Variants in IFT88 observed in about 807,000 individuals in gnomAD.
IFT88 encodes intraflagellar transport protein 88 homolog.
Under a neutral mutation model 119.5 loss-of-function variants are expected in IFT88, and 74 were observed. The observed-to-expected ratio is 0.62, with a 90% confidence interval of 0.51 to 0.75. IFT88 has a LOEUF of 0.75. Ranked by LOEUF, IFT88 falls within the 30% of genes least tolerant of loss-of-function variation. IFT88 has a pLI of 0.00. For synonymous variants in IFT88, 279 were observed against 316.7 expected (o/e 0.88, Z 1.26); for missense variants, 961 against 977.7 (o/e 0.98, Z 0.23).
At chr13:20,664,539 G>C (rs993722398) in intron 23 of IFT88, among the ~76,000 whole-genome samples, 4 of 152,208 alleles carry the variant, frequency 2.6e-5, no homozygotes, top group Non-Finnish European at 5.9e-5. Context: ...CCTGGAAACT[G>C]TAAGCCATGT....
intron 2 of IFT88, among the ~76,000 whole-genome samples, chr13:20,578,072 T>C (rs1446465822): frequency 8.4e-6 from 1 of 118,624 alleles, no homozygotes; most frequent in African/African-American, 3.1e-5. Flanking sequence ...TCAGATGGAG[T>C]CTCACTCTGT....
chr13:20,687,039 AAAAAAAAAAACCTCATATTT>A (rs2058007746), intron 24 of IFT88, among the ~76,000 whole-genome samples: 2 of 150,956 alleles, frequency 1.3e-5, no homozygotes, highest in African/African-American at 2.4e-5. Flanking sequence ...AAAAAAAAAA[AAAAAAAAAAACCTCATATTT>A]AAAAACTACG....
At chr13:20,678,676 A>G (rs1214278765) in intron 24 of IFT88, among the ~76,000 whole-genome samples, 3 of 152,236 alleles carry the variant, frequency 2.0e-5, no homozygotes, top group Non-Finnish European at 4.4e-5. Context: ...TGTGATAGCC[A>G]TCACGAGCAT....
At chr13:20,679,452 G>A (rs1295659302) in intron 24 of IFT88, among the ~76,000 whole-genome samples, 6 of 152,310 alleles carry the variant, frequency 3.9e-5, no homozygotes, top group East Asian at 1.9e-4. Context: ...AAAATCTATC[G>A]AAGAATTTCA....
chr13:20,599,635 C>T, intron 11 of IFT88, 70 bp downstream of exon 11: 1 of 709,054 alleles, frequency 1.4e-6, no homozygotes, highest in South Asian at 1.8e-5. Flanking sequence ...ACTCTTCTGA[C>T]CTGTTTTCAG....
At chr13:20,685,290 CCAA>C (rs2057788538) in intron 24 of IFT88, among the ~76,000 whole-genome samples, 1 of 152,168 alleles carries the variant, frequency 6.6e-6, no homozygotes, top group African/African-American at 2.4e-5. Context: ...CTCCAGTAAA[CCAA>C]CGACTTCTAG....
intron 3 of IFT88, among the ~76,000 whole-genome samples, chr13:20,584,823 G>A (rs1308868246): frequency 2.0e-5 from 3 of 152,104 alleles, no homozygotes; most frequent in Non-Finnish European, 2.9e-5. Flanking sequence ...GGCTCTCAGC[G>A]GGGGGCACTT....
intron 19 of IFT88, among the ~76,000 whole-genome samples, chr13:20,644,003 T>G (rs981893836): frequency 4.6e-5 from 7 of 152,168 alleles, no homozygotes; most frequent in Admixed American, 1.3e-4. Context: ...TCTGCCTGCC[T>G]CAGCCTCCCA....
intron 9 of IFT88, 21 bp downstream of exon 9, chr13:20,597,140 C>T (rs956494269): frequency 7.2e-7 from 1 of 1,383,024 alleles, no homozygotes; most frequent in Admixed American, 2.2e-5. Context: ...AAATATAACA[C>T]AATTTTTAAA....
At chr13:20,660,025 A>G (rs1004041226) in intron 22 of IFT88, among the ~76,000 whole-genome samples, 4 of 152,206 alleles carry the variant, frequency 2.6e-5, no homozygotes, top group African/African-American at 9.6e-5. Flanking sequence ...TTGTTCTAGC[A>G]CTGTGGATGT....
chr13:20,614,296 A>G (rs1464731743), intron 13 of IFT88: 1 of 152,310 alleles, frequency 6.6e-6, no homozygotes, highest in South Asian at 2.1e-4. Context: ...GCTGTCTCTT[A>G]TTTCGTATGT....
At chr13:20,593,714 G>T (rs2041139039) in intron 7 of IFT88, among the ~76,000 whole-genome samples, 1 of 151,690 alleles carries the variant, frequency 6.6e-6, no homozygotes, top group Admixed American at 6.6e-5. Flanking sequence ...TGTCATTCAT[G>T]GTCCTTTTGG....
At chr13:20,670,854 T>G in intron 23 of IFT88, 119 bp from the exon 24 acceptor site, 1 of 592,898 alleles carries the variant, frequency 1.7e-6, no homozygotes, top group East Asian at 3.3e-5. Context: ...AACTCTCAGG[T>G]ATGATGGGTT....
At chr13:20,640,591 T>C (rs2049767983) in intron 17 of IFT88, among the ~76,000 whole-genome samples, 1 of 150,632 alleles carries the variant, frequency 6.6e-6, no homozygotes, top group African/African-American at 2.5e-5. Context: ...AATAAATAAA[T>C]AAATAAATAA....
intron 24 of IFT88, among the ~76,000 whole-genome samples, chr13:20,689,645 C>T (rs2058291496): frequency 1.3e-5 from 2 of 152,132 alleles, no homozygotes. Context: ...CCAAACTTTT[C>T]TTCTCACATA....
At chr13:20,631,265 G>A (rs2048164922) in intron 16 of IFT88, 163 bp downstream of exon 16, 1 of 562,684 alleles carries the variant, frequency 1.8e-6, no homozygotes, top group Admixed American at 2.9e-5. Flanking sequence ...CAGGCCAGGG[G>A]CTGAGTTGGC....
intron 24 of IFT88, among the ~76,000 whole-genome samples, chr13:20,679,449 A>T (rs914773724): frequency 6.6e-6 from 1 of 152,244 alleles, no homozygotes; most frequent in African/African-American, 2.4e-5. Context: ...CTCAAAATCT[A>T]TCGAAGAATT....
chr13:20,685,411 A>G (rs1188406150), intron 24 of IFT88, among the ~76,000 whole-genome samples: 1 of 152,224 alleles, frequency 6.6e-6, no homozygotes, highest in African/African-American at 2.4e-5. Flanking sequence ...TGCTACCAGC[A>G]CAAACTAACC....
chr13:20,652,526 T>G (rs2140506830), intron 20 of IFT88, among the ~76,000 whole-genome samples: 1 of 151,802 alleles, frequency 6.6e-6, no homozygotes. Flanking sequence ...CCCAGCTACT[T>G]GGGAGGCTGA....
Sources: gnomAD v4.1 joint callset for allele counts (sites outside exome capture counted in the v4.1 genomes callset) on GRCh38, gnomAD v4.1.1 for gene constraint, MANE v1.5 for transcripts, NCBI Gene and HGNC (gene_info 2026-07-23, HGNC 2026-07-21) for gene names.